The following CHAT variants were observed in gnomAD, a reference collection of about 807,000 sequenced individuals.
CHAT encodes acetyl CoA:choline O-acetyltransferase.
Under a neutral mutation model 76.9 loss-of-function variants are expected in CHAT, and 61 were observed. The ratio of observed to expected loss-of-function variants is 0.79; its 90% CI spans 0.65 to 0.98. The LOEUF (loss-of-function observed/expected upper bound fraction) is 0.98. CHAT is among the 50% of genes least tolerant of loss of function. The pLI, the probability that CHAT is intolerant of heterozygous loss-of-function variation, is 0.00. For synonymous variants in CHAT, 407 were observed against 397.4 expected, an observed-to-expected ratio of 1.02 and a Z score of -0.29; for missense variants, 946 against 986.9, an observed-to-expected ratio of 0.96 and a Z score of 0.56.
intron 6 of CHAT, 108 bp downstream of exon 6, chr10:49,625,761 C>G: frequency 9.1e-6 from 11 of 1,205,644 alleles, no homozygotes; most frequent in Non-Finnish European, 1.2e-5. Context: ...CTGAGTCACA[C>G]AGGGAGCTGG....
rs553579253 is a variant in CHAT, at chr10:49,626,425, C to G, written c.933+772C>G. 1.9e-4 allele frequency among the ~76,000 whole-genome samples: 29 copies of G among 152,294 alleles called. 1 individual carries two copies. The highest frequency in any genetic ancestry group is 1.9e-3 in the Admixed American group (29 of 15,296). On this transcript the variant is annotated intron_variant, in intron 6 of 14. Coordinates refer to ENST00000337653, the MANE Select transcript of CHAT (RefSeq NM_020549.5). ...TAAAACCCAAGTTTGGCAACCATCC[C>G]AGGGACTCCCCTGGTACTTGCTCTA... is the stretch of plus-strand genomic sequence containing the variant.
At chr10:49,660,807 A>G (rs1840170889) in intron 13 of CHAT, among the ~76,000 whole-genome samples, 3 of 152,204 alleles carry the variant, frequency 2.0e-5, no homozygotes, top group African/African-American at 4.8e-5. Context: ...GGAGAGATAC[A>G]AAGATGCTTA....
intron 13 of CHAT, 26 bp downstream of exon 13, chr10:49,655,474 A>G (rs754275816): frequency 6.2e-7 from 1 of 1,607,454 alleles, no homozygotes; most frequent in African/African-American, 1.3e-5. Context: ...CCACCTCACA[A>G]CACTGCACTT....
At position 49,624,314 on chromosome 10, in the gene CHAT, CAT is replaced by C. The variant is rs991428848; in HGVS notation, c.753-1157_753-1156del. ...ATGTTTTATTACAGGATTCAACAGA[CAT>C]AAAACTCCCATCACATTGCTACAAA... On this transcript the variant is annotated intron_variant, in intron 5 of 14. Transcript: ENST00000337653. Among the ~76,000 whole-genome samples the C allele has an allele frequency of 1.7e-3, 253 of 152,352 alleles. 1 individual carries two copies. The highest frequency in any genetic ancestry group is 6.0e-3 in the African/African-American group (248 of 41,580).
At chr10:49,622,290 C>T (rs1385514113) in intron 5 of CHAT, 140 bp downstream of exon 5, 5 of 886,192 alleles carry the variant, frequency 5.6e-6, no homozygotes, top group Non-Finnish European at 9.5e-6. Flanking sequence ...CCCCAACCCA[C>T]TCCCCCACCA....
Position 49,664,795 on chromosome 10 carries a change from A to G in CHAT, c.1996A>G (p.Met666Val). 1 of 1,614,134 alleles carries G rather than the reference A, an allele frequency of 6.2e-7. No homozygotes were observed. Among genetic ancestry groups the G allele is most frequent in the Non-Finnish European group, 8.5e-7 (1 of 1,180,016 alleles). The change falls in exon 15 of 15, where the codon ATG becomes GTG. Residue 666 changes from methionine to valine, a missense_variant. Transcript: ENST00000337653. ...CCTCCAGGTGCCCACAACCACGGAG[A>G]TGTTCTGCTGCTATGGTCCTGTGGT... ...STSQVPTTTE[M>V]FCCYGPVVPN...
chr10:49,622,519 G>A (rs557559052), intron 5 of CHAT, among the ~76,000 whole-genome samples: 1 of 152,364 alleles, frequency 6.6e-6, no homozygotes, highest in South Asian at 2.1e-4. Flanking sequence ...TTGGAGGAAT[G>A]GTGTCTCCAG....
intron 11 of CHAT, among the ~76,000 whole-genome samples, chr10:49,653,550 C>A (rs114268991): frequency 1.3e-5 from 2 of 152,326 alleles, no homozygotes; most frequent in African/African-American, 4.8e-5. Context: ...GTGTCCCCTG[C>A]GGGGCTGTAA....
intron 2 of CHAT, among the ~76,000 whole-genome samples, chr10:49,617,310 A>G (rs1465472541): frequency 6.6e-6 from 1 of 151,884 alleles, no homozygotes; most frequent in Non-Finnish European, 1.5e-5. Context: ...CCTCTGGTCC[A>G]CTGGCATGCT....
At chr10:49,635,041 C>T (rs1397969776) in intron 7 of CHAT, among the ~76,000 whole-genome samples, 1 of 152,128 alleles carries the variant, frequency 6.6e-6, no homozygotes, top group African/African-American at 2.4e-5. Flanking sequence ...ACGGAACATT[C>T]CATCACCACC....
At chr10:49,661,557 G>A (rs1275878278) in intron 13 of CHAT, 3 of 152,142 alleles carry the variant, frequency 2.0e-5, no homozygotes, top group Non-Finnish European at 4.4e-5. Flanking sequence ...ATCCCTAAAC[G>A]TGCCTTGTAA....
At position 49,667,184 on chromosome 10, in the gene CHAT, A is replaced by G. The variant is rs1840357449; in HGVS notation, c.*2138A>G. On this transcript the variant is annotated 3_prime_UTR_variant, in exon 15 of 15. Transcript: ENST00000337653. Reference sequence around the variant, plus strand: ...CTGCCAGCAGCAGTAGCTAATGTCTAAAAGACACAGGGGCCAGGAGAGAAA... The same window carrying G: ...CTGCCAGCAGCAGTAGCTAATGTCTGAAAGACACAGGGGCCAGGAGAGAAA... 6.6e-6 allele frequency among the ~76,000 whole-genome samples: 1 copy of G among 152,196 alleles called. No individual in the cohort carries two copies. Among genetic ancestry groups the G allele is most frequent in the Non-Finnish European group, 1.5e-5 (1 of 68,040 alleles).
At chr10:49,617,693 G>A (rs1838547890) in intron 2 of CHAT, among the ~76,000 whole-genome samples, 1 of 152,128 alleles carries the variant, frequency 6.6e-6, no homozygotes, top group African/African-American at 2.4e-5. Flanking sequence ...GTCACTAACT[G>A]GGCTGGGCTT....
intron 7 of CHAT, among the ~76,000 whole-genome samples, chr10:49,637,809 A>G (rs1839345902): frequency 6.6e-6 from 1 of 151,992 alleles, no homozygotes; most frequent in Admixed American, 6.6e-5. Flanking sequence ...TTTTTATGTT[A>G]TTTTTCTGTT....
At chr10:49,645,361 A>G (rs1012433951) in intron 7 of CHAT, among the ~76,000 whole-genome samples, 1 of 152,182 alleles carries the variant, frequency 6.6e-6, no homozygotes, top group Admixed American at 6.5e-5. Context: ...AGCCCTCACC[A>G]TTGGGTCTTG....
intron 2 of CHAT, 41 bp downstream of exon 2, chr10:49,616,643 C>CA (rs1838508876): frequency 7.4e-7 from 1 of 1,350,020 alleles, no homozygotes; most frequent in Non-Finnish European, 1.0e-6. Context: ...CTGCTTTCCC[C>CA]ACCTACATGC....
chr10:49,646,398 G>C, intron 7 of CHAT, 107 bp from the exon 8 acceptor site: 1 of 1,423,296 alleles, frequency 7.0e-7, no homozygotes, highest in Non-Finnish European at 9.8e-7. Context: ...CCTGGGTCTT[G>C]TTGTGATCCC....
chr10:49,626,561 A>G (rs1183968176), intron 6 of CHAT, among the ~76,000 whole-genome samples: 1 of 152,058 alleles, frequency 6.6e-6, no homozygotes, highest in African/African-American at 2.4e-5. Flanking sequence ...GCCATCTAGG[A>G]GCTCTCGCAG....
In CHAT at chr10:49,614,272, G is replaced by A; in HGVS notation, c.83G>A (p.Arg28Lys). Reference sequence around the variant, plus strand: ...GAGGAGGGAGGAGGTACAAGAGGAAGGAGAGAAGTGCGGCCAGCTTGCTTT... The same window carrying A: ...GAGGAGGGAGGAGGTACAAGAGGAAAGAGAGAAGTGCGGCCAGCTTGCTTT... ...KREEGGGTRG[R>K]REVRPACFLQ... The change falls in exon 1 of 15, where the codon AGG becomes AAG. Residue 28 changes from arginine to lysine, a missense_variant. Physicochemically the swap from Arg to Lys is conservative, Grantham distance 26. Transcript: ENST00000337653. 12 of 1,548,638 alleles carry A rather than the reference G, an allele frequency of 7.7e-6. No homozygotes were observed. The highest frequency in any genetic ancestry group is 1.0e-5 in the Non-Finnish European group (12 of 1,146,584).
Sources: allele counts gnomAD v4.1 joint callset (sites outside exome capture counted in the v4.1 genomes callset), GRCh38; gene constraint gnomAD v4.1.1; transcripts MANE v1.5; gene names NCBI Gene and HGNC (gene_info 2026-07-23, HGNC 2026-07-21).